Variants in ABR observed in about 807,000 individuals in gnomAD.
ABR encodes active breakpoint cluster region-related protein.
In ABR, 35 loss-of-function variants were observed where a neutral mutation model predicts 107.2. The observed-to-expected ratio is 0.33, with a 90% CI of 0.25 to 0.43. The LOEUF is 0.43. Ranked by LOEUF, ABR falls within the 20% of genes least tolerant of loss-of-function variation. The pLI, the probability that ABR is intolerant of heterozygous loss-of-function variation, is 1.00. For missense variants in ABR, 815 were observed against 1,115.2 expected (o/e 0.73, Z 3.83); for synonymous variants, 498 against 462.0 (o/e 1.08, Z -1.00).
intron 1 of ABR, among the ~76,000 whole-genome samples, chr17:1,136,284 A>G (rs756071207): frequency 5.2e-5 from 4 of 77,066 alleles, no homozygotes; most frequent in Admixed American, 1.5e-4. Context: ...GCTGGAGTGC[A>G]ATGGCGCGAT....
chr17:1,197,643 G>C lies in ABR; in HGVS notation c.838+31150C>G, dbSNP rs1230786832. Among the ~76,000 whole-genome samples the C allele has an allele frequency of 2.6e-5, 4 of 151,650 alleles. 1 individual carries two copies. Among genetic ancestry groups the C allele is most frequent in the African/African-American group, 9.8e-5 (4 of 40,976 alleles). On this transcript the variant is annotated intron_variant, in intron 1 of 22. Transcript: ENST00000574139. ...CAAAAGCCACATGCCTGTCACATGA[G>C]GGGAGTGCCAGACCACCAGCAGAGA... is the stretch of plus-strand genomic sequence containing the variant.
intron 6 of ABR, among the ~76,000 whole-genome samples, chr17:1,074,612 TGGCCTCATCTCTCA>T (rs1212482651): frequency 2.0e-5 from 3 of 152,240 alleles, no homozygotes; most frequent in Non-Finnish European, 4.4e-5. Flanking sequence ...TCCACAGGAC[TGGCCTCATCTCTCA>T]GAGGAAAGAC....
chr17:1,208,895 A>G (rs2042850157), intron 1 of ABR, among the ~76,000 whole-genome samples: 1 of 152,024 alleles, frequency 6.6e-6, no homozygotes, highest in Non-Finnish European at 1.5e-5. Flanking sequence ...CTCAAAAAAA[A>G]AAAAAAAAAG....
intron 2 of ABR, chr17:1,109,245 G>A: frequency 2.4e-6 from 2 of 827,014 alleles, no homozygotes; most frequent in Non-Finnish European, 3.3e-6. Flanking sequence ...CGCCGCCGCC[G>A]CCGCCGCCTC....
intron 3 of ABR, among the ~76,000 whole-genome samples, chr17:1,093,185 T>G (rs538912689): frequency 1.5e-4 from 23 of 151,258 alleles, no homozygotes; most frequent in African/African-American, 4.4e-4. Flanking sequence ...AGGCTTAGAC[T>G]TGGCTGGTCA....
upstream of ABR, among the ~76,000 whole-genome samples, chr17:1,183,572 C>G (rs767753628): frequency 7.9e-5 from 12 of 152,146 alleles, no homozygotes; most frequent in Non-Finnish European, 1.5e-4. Context: ...AAGGTAGAAG[C>G]CTTGGTTCTT....
At chr17:1,186,686 C>T (rs994870108) in intron 1 of ABR, 3 of 152,384 alleles carry the variant, frequency 2.0e-5, no homozygotes, top group Admixed American at 1.3e-4. Flanking sequence ...CTCACGTGGC[C>T]CTCACCTGAC....
chr17:1,058,988 T>C, intron 10 of ABR, 121 bp from the exon 11 acceptor site: 1 of 1,425,038 alleles, frequency 7.0e-7, no homozygotes, highest in Non-Finnish European at 9.5e-7. Flanking sequence ...TTTCGTGATG[T>C]TTTGACATCT....
At position 1,004,600 on chromosome 17, in the gene ABR, G is replaced by C. The variant is rs553291401; in HGVS notation, c.*1480C>G. 6.4e-6 allele frequency: 1 copy of C among 155,680 alleles called. No homozygotes were observed. Among genetic ancestry groups the C allele is most frequent in the Non-Finnish European group, 1.4e-5 (1 of 70,472 alleles). 9.6% of individuals were successfully genotyped at this position (155,680 alleles called of 1,614,324 possible). The stretch of plus-strand genomic sequence containing the variant: ...GGCCCGAGGCTGGCAGCCGCAGCTC[G>C]TGTGGGAAGTGTACGGTGGGAACAC... On this transcript the variant is annotated 3_prime_UTR_variant, in exon 23 of 23. Coordinates refer to ENST00000302538, the MANE Select transcript of ABR (RefSeq NM_021962.5).
chr17:1,224,462 G>C (rs935634340), intron 1 of ABR, among the ~76,000 whole-genome samples: 5 of 152,112 alleles, frequency 3.3e-5, no homozygotes, highest in Admixed American at 6.5e-5. Flanking sequence ...TTCTCTCTCT[G>C]AAACCCTGAG....
intron 1 of ABR, among the ~76,000 whole-genome samples, chr17:1,208,872 T>G (rs1213283062): frequency 1.4e-5 from 2 of 139,326 alleles, no homozygotes; most frequent in East Asian, 2.1e-4. Flanking sequence ...TGGGTGAGAG[T>G]GTGAGACTCC....
intron 16 of ABR, among the ~76,000 whole-genome samples, chr17:1,017,856 G>A (rs2071282605): frequency 6.6e-6 from 1 of 151,854 alleles, no homozygotes; most frequent in Admixed American, 6.6e-5. Flanking sequence ...GCCCACCTTG[G>A]CCTCCCAAAG....
intron 1 of ABR, among the ~76,000 whole-genome samples, chr17:1,164,244 T>C (rs2041413891): frequency 1.3e-5 from 2 of 149,552 alleles, no homozygotes; most frequent in African/African-American, 2.5e-5. Context: ...TGTCGGAGGA[T>C]CTAGGTAGGA....
At chr17:1,077,471 A>G (rs1224852881) in intron 6 of ABR, among the ~76,000 whole-genome samples, 2 of 152,046 alleles carry the variant, frequency 1.3e-5, no homozygotes, top group Non-Finnish European at 1.5e-5. Flanking sequence ...CAAAAAGACC[A>G]TTTCTCCTCT....
At chr17:1,196,896 G>A (rs1415936844) in intron 1 of ABR, among the ~76,000 whole-genome samples, 5 of 151,768 alleles carry the variant, frequency 3.3e-5, no homozygotes, top group East Asian at 3.9e-4. Flanking sequence ...GGGTTTCACC[G>A]TGTTAGCCAG....
In ABR at chr17:1,150,558, A is replaced by G. The variant is rs1363479480; in HGVS notation, c.62-25191T>C. Among the ~76,000 whole-genome samples the G allele has an allele frequency of 2.6e-5, 4 of 152,044 alleles. 1 individual carries two copies. Among genetic ancestry groups the G allele is most frequent in the African/African-American group, 9.7e-5 (4 of 41,404 alleles). On this transcript the variant is annotated intron_variant, in intron 1 of 22. Coordinates refer to ENST00000302538, the MANE Select transcript of ABR (RefSeq NM_021962.5). This position sits in a 1 kb window ranked among gnomAD's most constrained non-coding sequence, Gnocchi z 4.8. ...AGGCCCAGGAGGACGGGCCCCGGGC[A>G]TGGCAAGCGCACTGCCCCCTCTCAC...
chr17:1,174,776 G>A (rs2041862601), intron 1 of ABR, among the ~76,000 whole-genome samples: 1 of 152,178 alleles, frequency 6.6e-6, no homozygotes, highest in African/African-American at 2.4e-5. Flanking sequence ...CCAAATGGAG[G>A]CCGAAGTGGC....
At chr17:1,113,230 C>A (rs1420403107) in intron 2 of ABR, among the ~76,000 whole-genome samples, 1 of 146,300 alleles carries the variant, frequency 6.8e-6, no homozygotes, top group Non-Finnish European at 1.5e-5. Context: ...AACTCTGCAG[C>A]TGAGGTGCCA....
chr17:1,060,961 C>G (rs2257854), intron 10 of ABR, among the ~76,000 whole-genome samples: 1 of 151,938 alleles, frequency 6.6e-6, no homozygotes, highest in African/African-American at 2.4e-5. Context: ...CACTGCACTC[C>G]AGCCTGGGCG....
Sources: allele counts gnomAD v4.1 joint callset (sites outside exome capture counted in the v4.1 genomes callset), GRCh38; gene constraint gnomAD v4.1.1; non-coding constraint Gnocchi (gnomAD v3.1); transcripts MANE v1.5; gene names NCBI Gene and HGNC (gene_info 2026-07-23, HGNC 2026-07-21).